The following TMCC3 variants were observed in gnomAD, a reference collection of about 807,000 sequenced individuals.
TMCC3 encodes the protein transmembrane and coiled-coil domain family 3.
Under a neutral mutation model 40.2 loss-of-function variants are expected in TMCC3, and 28 were observed. The observed-to-expected ratio is 0.70, with a 90% CI of 0.52 to 0.95. The LOEUF is 0.95. Ranked by LOEUF, TMCC3 falls within the 40% of genes least tolerant of loss-of-function variation. The pLI, the probability that TMCC3 is intolerant of heterozygous loss-of-function variation, is 0.00. For missense variants in TMCC3, 554 were observed against 615.2 expected (o/e 0.90, Z 1.05); for synonymous variants, 255 against 248.5 (o/e 1.03, Z -0.25).
intron 1 of TMCC3, among the ~76,000 whole-genome samples, chr12:94,625,525 T>C (rs2068899656): frequency 6.9e-6 from 1 of 144,272 alleles, no homozygotes; most frequent in Non-Finnish European, 1.5e-5. Flanking sequence ...ATCTGGGAGA[T>C]GGAGGTTGCA....
rs2068513152 is a variant in TMCC3 at position 94,569,381 on chromosome 12, GCCT to G, written c.*2051_*2053del. ...TCTCTGCCTCCCTGCCTTGCACCTG[GCCT>G]CCTTATCTGTCTCCCAGACTTGAAA... On this transcript the variant is annotated 3_prime_UTR_variant, in exon 4 of 4. Coordinates refer to ENST00000261226, the MANE Select transcript of TMCC3 (RefSeq NM_020698.4). 1 of 152,306 alleles carries G rather than the reference GCCT, an allele frequency of 6.6e-6. No individual in the cohort carries two copies. Among genetic ancestry groups the G allele is most frequent in the African/African-American group, 2.4e-5 (1 of 41,436 alleles). 9.4% of individuals were successfully genotyped at this position (152,306 alleles called of 1,614,324 possible). A position where few individuals can be genotyped will look rare whatever the true frequency, so the allele number is the denominator to read the frequency against.
At position 94,620,867 on chromosome 12, in the gene TMCC3, G is replaced by A. The variant is rs559029582; in HGVS notation, c.78+29486C>T. Among the ~76,000 whole-genome samples, 10 of 152,230 alleles carry A rather than the reference G, an allele frequency of 6.6e-5. No homozygotes were observed. In the East Asian group the frequency reaches 1.7e-3, roughly 26 times the overall value. ...TTGCTGACTCTTCTACAATCTAAGT[G>A]GCTCAATGTAAACCATTCCCCTTGT... On this transcript the variant is annotated intron_variant, in intron 1 of 3. Coordinates refer to ENST00000261226, the MANE Select transcript of TMCC3 (RefSeq NM_020698.4).
intron 1 of TMCC3, among the ~76,000 whole-genome samples, chr12:94,629,828 G>T (rs2068923033): frequency 6.6e-6 from 1 of 152,196 alleles, no homozygotes; most frequent in Admixed American, 6.5e-5. Flanking sequence ...CAGGACAAAG[G>T]CTGATCATTC....
At chr12:94,603,603 G>GT (rs1181811888) in intron 1 of TMCC3, among the ~76,000 whole-genome samples, 6 of 152,178 alleles carry the variant, frequency 3.9e-5, no homozygotes, top group Non-Finnish European at 7.3e-5. Flanking sequence ...GAGAAGAGTG[G>GT]TTACCCTTTG....
intron 1 of TMCC3, among the ~76,000 whole-genome samples, chr12:94,604,125 T>C (rs2068768701): frequency 1.3e-5 from 2 of 152,228 alleles, no homozygotes; most frequent in African/African-American, 2.4e-5. Context: ...ATACATCAGA[T>C]TTAGACATAA....
chr12:94,573,727 C>T (rs1291671826), intron 3 of TMCC3, among the ~76,000 whole-genome samples: 3 of 152,246 alleles, frequency 2.0e-5, no homozygotes, highest in Non-Finnish European at 4.4e-5. Context: ...AGCCACCACA[C>T]ACAGCTTTAT....
At chr12:94,632,094 A>G (rs1165290036) in intron 1 of TMCC3, among the ~76,000 whole-genome samples, 1 of 152,256 alleles carries the variant, frequency 6.6e-6, no homozygotes, top group Non-Finnish European at 1.5e-5. Context: ...TGCATTATGA[A>G]AAAGCAAAAC....
rs1387611677 is a variant in TMCC3, at chr12:94,571,554, TG to T, written c.1314del (p.Met439Ter). On this transcript the variant is annotated frameshift_variant, in exon 4 of 4. Transcript: ENST00000261226. LOFTEE classifies it high-confidence loss of function. Reference protein sequence around the residue: ...CVSTIAKFVSPMMKSRCHILG... With the variant: ...CVSTIAKFVSXMMKSRCHILG... ...AGAATGTGGCAGCGACTCTTCATCA[TG>T]GGTGAGACGAACTTCGCGATGGTGG... 3 of 1,613,986 alleles carry T rather than the reference TG, an allele frequency of 1.9e-6. No homozygotes were observed. Among genetic ancestry groups the T allele is most frequent in the Non-Finnish European group, 2.5e-6 (3 of 1,180,036 alleles).
intron 1 of TMCC3, among the ~76,000 whole-genome samples, chr12:94,628,756 G>C (rs1478597889): frequency 1.3e-5 from 2 of 152,182 alleles, no homozygotes; most frequent in African/African-American, 2.4e-5. Context: ...TGGAGAAATG[G>C]GGATGACAAA....
At chr12:94,636,465 G>A (rs2068961496) in intron 1 of TMCC3, among the ~76,000 whole-genome samples, 1 of 152,206 alleles carries the variant, frequency 6.6e-6, no homozygotes, top group Admixed American at 6.5e-5. Flanking sequence ...GCAACAGGCA[G>A]AATTCTAAGA....
At chr12:94,591,248 C>A (rs2068673444) in intron 1 of TMCC3, among the ~76,000 whole-genome samples, 1 of 151,928 alleles carries the variant, frequency 6.6e-6, no homozygotes. Flanking sequence ...GGGGATTCTC[C>A]CACTCCTGAA....
chr12:94,646,595 T>C (rs7979149), intron 1 of TMCC3, among the ~76,000 whole-genome samples: 50,444 of 151,706 alleles, frequency 0.33, 11,185 homozygotes, highest in African/African-American at 0.64. Context: ...CCTGCCACCA[T>C]GCCTGGTTAA....
intron 1 of TMCC3, among the ~76,000 whole-genome samples, chr12:94,635,455 A>T (rs1382295368): frequency 2.0e-5 from 3 of 152,182 alleles, no homozygotes; most frequent in African/African-American, 7.2e-5. Flanking sequence ...ATGTACCATA[A>T]CAGTGTTTGC....
At chr12:94,592,485 C>CAAAA (rs11403354) in intron 1 of TMCC3, among the ~76,000 whole-genome samples, 1 of 145,316 alleles carries the variant, frequency 6.9e-6, no homozygotes. Flanking sequence ...ACTAAAAATG[C>CAAAA]AAAAAAAAAT....
intron 1 of TMCC3, among the ~76,000 whole-genome samples, chr12:94,603,579 C>T (rs776825113): frequency 2.6e-5 from 4 of 152,154 alleles, no homozygotes; most frequent in Admixed American, 6.5e-5. Flanking sequence ...GTATGATTAG[C>T]GTGCTGCGGA....
intron 1 of TMCC3, among the ~76,000 whole-genome samples, chr12:94,585,545 A>C (rs2068633286): frequency 1.3e-5 from 2 of 151,928 alleles, no homozygotes; most frequent in Non-Finnish European, 2.9e-5. Flanking sequence ...AAATACAAAA[A>C]AATTAGCCAG....
rs191207947 is a variant in TMCC3 at position 94,604,434 on chromosome 12, A to G, written c.79-21896T>C. Among the ~76,000 whole-genome samples the G allele has an allele frequency of 7.9e-5, 12 of 152,258 alleles. No homozygotes were observed. In the East Asian group the frequency reaches 2.3e-3, roughly 29 times the overall value. On this transcript the variant is annotated intron_variant, in intron 1 of 3. Transcript: ENST00000261226. ...CTTTTGTGAACTAAGTCCTGTGCTG[A>G]AAGAACTGGAGTCAGAGAAATATGA...
At chr12:94,649,638 A>G (rs2069041836) in intron 1 of TMCC3, among the ~76,000 whole-genome samples, 1 of 152,244 alleles carries the variant, frequency 6.6e-6, no homozygotes. Flanking sequence ...TTCCTCTCCC[A>G]GGACAGACCC....
chr12:94,603,145 C>T (rs1297618188), intron 1 of TMCC3, among the ~76,000 whole-genome samples: 1 of 152,118 alleles, frequency 6.6e-6, no homozygotes, highest in Non-Finnish European at 1.5e-5. Context: ...AGTGCAGTGG[C>T]GCAATCTCGG....
Sources: gnomAD v4.1 joint callset for allele counts (sites outside exome capture counted in the v4.1 genomes callset) on GRCh38, gnomAD v4.1.1 for gene constraint, MANE v1.5 for transcripts, NCBI Gene and HGNC (gene_info 2026-07-23, HGNC 2026-07-21) for gene names.